Variants in CCDC171 observed in about 807,000 individuals in gnomAD.
The protein encoded by CCDC171 is coiled-coil domain-containing protein 171.
CCDC171 carries 177 observed loss-of-function variants against 168.2 expected under a neutral mutation model. The ratio of observed to expected loss-of-function variants is 1.05; its 90% CI spans 0.93 to 1.19. The LOEUF (loss-of-function observed/expected upper bound fraction) is 1.19. Ranked by LOEUF, CCDC171 falls within the 50% of genes most tolerant of loss-of-function variation. CCDC171 has a pLI of 0.00. For missense variants in CCDC171, 1,991 were observed against 1,539.0 expected (o/e 1.29, Z -4.91); for synonymous variants, 687 against 540.8 (o/e 1.27, Z -3.75).
intron 24 of CCDC171, 135 bp from the exon 25 acceptor site, chr9:15,920,135 T>C (rs1825119430): frequency 3.9e-6 from 2 of 509,696 alleles, no homozygotes; most frequent in Non-Finnish European, 6.6e-6. Context: ...ATGTTAGGTT[T>C]AGCTTTATTA....
At chr9:15,994,781 A>C (rs1383065928) in intron 3 of CCDC171, among the ~76,000 whole-genome samples, 1 of 152,156 alleles carries the variant, frequency 6.6e-6, no homozygotes, top group Non-Finnish European at 1.5e-5. Flanking sequence ...TATTTTGGCT[A>C]TTTCACCATC....
chr9:15,595,450 C>T (rs2042275437), intron 6 of CCDC171, among the ~76,000 whole-genome samples: 1 of 152,152 alleles, frequency 6.6e-6, no homozygotes, highest in Non-Finnish European at 1.5e-5. Context: ...TTTCCAGCTT[C>T]ATCCATGTCC....
At chr9:15,731,816 A>G (rs1471563109) in intron 16 of CCDC171, among the ~76,000 whole-genome samples, 1 of 152,092 alleles carries the variant, frequency 6.6e-6, no homozygotes, top group African/African-American at 2.4e-5. Context: ...CACCAGCAAC[A>G]CATGTAAGTT....
intron 7 of CCDC171, among the ~76,000 whole-genome samples, chr9:15,651,932 G>C (rs149135067): frequency 3.4e-3 from 522 of 152,142 alleles, no homozygotes; most frequent in African/African-American, 0.011. Context: ...TTTTGAGACA[G>C]GGTCTTGCTG....
chr9:15,624,558 C>T (rs975492762), intron 7 of CCDC171, among the ~76,000 whole-genome samples: 18 of 152,090 alleles, frequency 1.2e-4, no homozygotes, highest in East Asian at 3.9e-4. Context: ...TGAGAACATA[C>T]GGTGTTTGGT....
rs550915258 is a variant in CCDC171, at chr9:15,627,186, G to A, written c.822+3773G>A. The stretch of plus-strand genomic sequence containing the variant: ...TATCCCCTTTATCATTTTTTGTTGC[G>A]CCTATTTGATTCTTCTCTCTTTTCT... On this transcript the variant is annotated intron_variant, in intron 7 of 25. Coordinates refer to ENST00000380701, the MANE Select transcript of CCDC171 (RefSeq NM_173550.4). Among the ~76,000 whole-genome samples the A allele has an allele frequency of 5.9e-5, 9 of 151,610 alleles. No homozygotes were observed. The South Asian group carries it at 6.2e-4, about 10-fold the overall frequency.
At chr9:15,911,482 C>T (rs1823630157) in intron 24 of CCDC171, among the ~76,000 whole-genome samples, 1 of 152,134 alleles carries the variant, frequency 6.6e-6, no homozygotes, top group South Asian at 2.1e-4. Flanking sequence ...GTAATTTTCT[C>T]CTATTCTGTA....
At chr9:16,008,674 C>G (rs1295826599) in intron 3 of CCDC171, among the ~76,000 whole-genome samples, 1 of 152,172 alleles carries the variant, frequency 6.6e-6, no homozygotes, top group Non-Finnish European at 1.5e-5. Flanking sequence ...TCGCTGGGCC[C>G]CAGGTCTTGC....
At chr9:15,909,537 TG>T (rs1823301343) in intron 24 of CCDC171, among the ~76,000 whole-genome samples, 1 of 152,186 alleles carries the variant, frequency 6.6e-6, no homozygotes, top group Admixed American at 6.5e-5. Flanking sequence ...AACAAGTATT[TG>T]TGGGCAGGAC....
chr9:16,019,679 T>A (rs932385018), intron 3 of CCDC171, among the ~76,000 whole-genome samples: 1 of 152,204 alleles, frequency 6.6e-6, no homozygotes, highest in Non-Finnish European at 1.5e-5. Context: ...TCTAGGACTA[T>A]CTGCATTTTA....
intron 18 of CCDC171, among the ~76,000 whole-genome samples, chr9:15,769,016 C>A (rs7019143): frequency 0.45 from 67,836 of 152,042 alleles, 15,461 homozygotes; most frequent in Non-Finnish European, 0.49. Context: ...CAATTTAAGC[C>A]AATGGAACTG....
intron 23 of CCDC171, among the ~76,000 whole-genome samples, chr9:15,870,746 T>C (rs908527238): frequency 6.6e-6 from 1 of 151,534 alleles, no homozygotes. Context: ...GCAATTTTTC[T>C]AGAAATGACT....
At chr9:15,645,812 G>A (rs562699821) in intron 7 of CCDC171, among the ~76,000 whole-genome samples, 1 of 152,308 alleles carries the variant, frequency 6.6e-6, no homozygotes, top group South Asian at 2.1e-4. Context: ...AACCGAGTTG[G>A]AAAACACTCT....
At position 15,807,366 on chromosome 9, in the gene CCDC171, G is replaced by C. The variant is rs1235737003; in HGVS notation, c.3267+22672G>C. On this transcript the variant is annotated intron_variant, in intron 21 of 25. Transcript: ENST00000380701. ...AATTTTTTATTGATTGCTGGGCATTGTGTTGCTTCTTTTATAGAGTATTGG... is the reference window on the plus strand; with the variant it reads ...AATTTTTTATTGATTGCTGGGCATTCTGTTGCTTCTTTTATAGAGTATTGG... Among the ~76,000 whole-genome samples the C allele has an allele frequency of 2.0e-5, 3 of 152,304 alleles. No homozygotes were observed. The East Asian group carries it at 5.8e-4, about 29-fold the overall frequency.
At chr9:15,954,343 C>G (rs1217051345) in intron 25 of CCDC171, among the ~76,000 whole-genome samples, 1 of 151,924 alleles carries the variant, frequency 6.6e-6, no homozygotes, top group African/African-American at 2.4e-5. Context: ...GCACTGCTTC[C>G]ACTGCATCTC....
At chr9:15,567,681 G>C (rs2039861059) in intron 2 of CCDC171, among the ~76,000 whole-genome samples, 2 of 151,340 alleles carry the variant, frequency 1.3e-5, no homozygotes, top group African/African-American at 4.9e-5. Context: ...TTGAGACAAG[G>C]TCTTGCTCTG....
intron 24 of CCDC171, among the ~76,000 whole-genome samples, chr9:15,903,646 C>T (rs972819302): frequency 6.6e-6 from 1 of 152,204 alleles, no homozygotes; most frequent in Non-Finnish European, 1.5e-5. Flanking sequence ...GAACTCGGCT[C>T]CTCACCAGCA....
chr9:15,817,941 C>T lies in CCDC171; in HGVS notation c.3268-28761C>T, dbSNP rs1225853832. ...CTGAGTAACCTAGCTGGGAGGCATC[C>T]CCCGGTAGGGGCAGACTGACACCTC... On this transcript the variant is annotated intron_variant, in intron 21 of 25. Transcript: ENST00000380701. Among the ~76,000 whole-genome samples the T allele has an allele frequency of 4.2e-5, 5 of 117,814 alleles. 1 individual carries two copies. The highest frequency in any genetic ancestry group is 1.6e-4 in the African/African-American group (5 of 31,386). The allele number at this position is 117,814 out of a possible 152,430, so 77.3% of individuals were successfully genotyped here.
intron 11 of CCDC171, among the ~76,000 whole-genome samples, chr9:15,706,105 A>G (rs184331182): frequency 6.6e-5 from 10 of 152,210 alleles, no homozygotes; most frequent in Admixed American, 2.0e-4. Context: ...GCTTTCTACT[A>G]TCAACTAAAA....
Sources: gnomAD v4.1 joint callset for allele counts (sites outside exome capture counted in the v4.1 genomes callset) on GRCh38, gnomAD v4.1.1 for gene constraint, MANE v1.5 for transcripts, NCBI Gene and HGNC (gene_info 2026-07-23, HGNC 2026-07-21) for gene names.